The following DAB1 variants were observed in gnomAD, a reference collection of about 807,000 sequenced individuals.
The protein encoded by DAB1 is DAB adaptor protein 1.
DAB1 carries 15 observed loss-of-function variants against 64.6 expected under a neutral mutation model. The observed-to-expected ratio is 0.23, with a 90% confidence interval of 0.16 to 0.36. The LOEUF (loss-of-function observed/expected upper bound fraction) is 0.36. Among genes scored for constraint, DAB1 ranks in the 10% least tolerant of loss-of-function variants. DAB1 has a pLI of 1.00. For synonymous variants in DAB1, 235 were observed against 251.9 expected (o/e 0.93, Z 0.64); for missense variants, 596 against 706.7 (o/e 0.84, Z 1.78).
chr1:57,155,695 T>C (rs1411972326), intron 2 of DAB1, among the ~76,000 whole-genome samples: 1 of 151,934 alleles, frequency 6.6e-6, no homozygotes, highest in Non-Finnish European at 1.5e-5. Context: ...TTTCCATTTT[T>C]AGTGTCCTCT....
chr1:58,054,879 G>A (rs1647959381), intron 5 of DAB1, among the ~76,000 whole-genome samples: 1 of 152,194 alleles, frequency 6.6e-6, no homozygotes, highest in African/African-American at 2.4e-5. Context: ...GATTCTGTGT[G>A]AAAAGATGAC....
At chr1:58,096,732 AG>A (rs1651007599) in intron 5 of DAB1, among the ~76,000 whole-genome samples, 2 of 152,236 alleles carry the variant, frequency 1.3e-5, no homozygotes, top group African/African-American at 4.8e-5. Context: ...CAATGCCTTG[AG>A]GGCAAAGAGC....
chr1:57,896,128 C>T (rs573788994), intron 5 of DAB1, among the ~76,000 whole-genome samples: 170 of 152,232 alleles, frequency 1.1e-3, no homozygotes, highest in Non-Finnish European at 1.8e-3. Flanking sequence ...TGCCTTGATG[C>T]CCCTGTTTTA....
chr1:57,609,444 G>T (rs1645699509), intron 7 of DAB1, among the ~76,000 whole-genome samples: 1 of 152,160 alleles, frequency 6.6e-6, no homozygotes, highest in Non-Finnish European at 1.5e-5. Flanking sequence ...TTTATATAAG[G>T]ACTTTGAGCA....
intron 2 of DAB1, among the ~76,000 whole-genome samples, chr1:57,252,014 C>T (rs966089576): frequency 6.6e-6 from 1 of 152,198 alleles, no homozygotes; most frequent in Admixed American, 6.5e-5. Flanking sequence ...AGCTGTCGTG[C>T]TTTTCCTTTA....
At chr1:57,909,404 A>G (rs1391222859) in intron 5 of DAB1, among the ~76,000 whole-genome samples, 2 of 152,236 alleles carry the variant, frequency 1.3e-5, no homozygotes, top group East Asian at 1.9e-4. Flanking sequence ...AAAATAAGCT[A>G]TAATTTTATA....
chr1:57,970,359 T>C (rs1487537349), intron 5 of DAB1, among the ~76,000 whole-genome samples: 1 of 152,070 alleles, frequency 6.6e-6, no homozygotes, highest in Non-Finnish European at 1.5e-5. Flanking sequence ...ACCAACATTT[T>C]CCTCCTTCAA....
At chr1:57,971,675 G>A (rs1645799271) in intron 5 of DAB1, among the ~76,000 whole-genome samples, 1 of 152,192 alleles carries the variant, frequency 6.6e-6, no homozygotes, top group African/African-American at 2.4e-5. Flanking sequence ...GCTGAATTCT[G>A]TCAAAGGCAT....
At chr1:58,222,952 T>A (rs1458951563) in intron 4 of DAB1, among the ~76,000 whole-genome samples, 1 of 152,182 alleles carries the variant, frequency 6.6e-6, no homozygotes, top group Admixed American at 6.5e-5. Flanking sequence ...AGCTCAGGCA[T>A]CTGTTCCTTG....
intron 2 of DAB1, among the ~76,000 whole-genome samples, chr1:57,178,891 C>T (rs543954522): frequency 1.1e-4 from 16 of 152,122 alleles, no homozygotes; most frequent in Admixed American, 1.0e-3. Context: ...TTCCCACCCC[C>T]ATCGCCACCT....
intron 3 of DAB1, chr1:58,468,852 C>T (rs1356761529): frequency 5.3e-6 from 1 of 189,970 alleles, no homozygotes; most frequent in African/African-American, 2.4e-5. Flanking sequence ...GAAGGTGTGA[C>T]AGCTGGAGCA....
At chr1:57,182,894 A>C (rs1408486296) in intron 2 of DAB1, among the ~76,000 whole-genome samples, 2 of 152,148 alleles carry the variant, frequency 1.3e-5, no homozygotes, top group African/African-American at 4.8e-5. Context: ...ATGGCTATTT[A>C]ATTTTAAATT....
chr1:57,109,790 C>T (rs1655496040), intron 4 of DAB1, among the ~76,000 whole-genome samples: 1 of 152,130 alleles, frequency 6.6e-6, no homozygotes, highest in Admixed American at 6.5e-5. Context: ...GTAGGAGTTC[C>T]TAAATATTTG....
chr1:57,853,813 C>T (rs1486429902), intron 1 of DAB1, among the ~76,000 whole-genome samples: 1 of 152,056 alleles, frequency 6.6e-6, no homozygotes, highest in Non-Finnish European at 1.5e-5. Context: ...GAATGGTACC[C>T]AGACTGTGTT....
intron 3 of DAB1, among the ~76,000 whole-genome samples, chr1:58,436,757 C>T (rs1311146116): frequency 6.6e-6 from 1 of 152,216 alleles, no homozygotes; most frequent in Non-Finnish European, 1.5e-5. Flanking sequence ...ATATGGGACT[C>T]TAAAATTACT....
intron 4 of DAB1, among the ~76,000 whole-genome samples, chr1:57,112,284 CA>C (rs944544530): frequency 5.3e-5 from 8 of 152,184 alleles, no homozygotes; most frequent in African/African-American, 1.9e-4. Context: ...GTAAGTGCTG[CA>C]GTTACTCCCA....
At chr1:57,052,147 CG>C (rs1321519470) in intron 9 of DAB1, among the ~76,000 whole-genome samples, 9 of 24,200 alleles carry the variant, frequency 3.7e-4, no homozygotes, top group Non-Finnish European at 3.4e-4. Context: ...GGCGGGGGGG[CG>C]GGGGGAAGCT....
At chr1:58,433,445 A>C (rs1395336187) in intron 3 of DAB1, among the ~76,000 whole-genome samples, 1 of 152,012 alleles carries the variant, frequency 6.6e-6, no homozygotes, top group Non-Finnish European at 1.5e-5. Context: ...AATGAACAGG[A>C]ATTTATTTGG....
intron 5 of DAB1, among the ~76,000 whole-genome samples, chr1:58,147,974 A>T (rs2100727404): frequency 8.0e-6 from 1 of 125,308 alleles, no homozygotes; most frequent in South Asian, 3.1e-4. Context: ...AAGACATACT[A>T]TAGCTGGAGA....
Sources: gnomAD v4.1 joint callset for allele counts (sites outside exome capture counted in the v4.1 genomes callset) on GRCh38, gnomAD v4.1.1 for gene constraint, MANE v1.5 for transcripts, NCBI Gene and HGNC (gene_info 2026-07-23, HGNC 2026-07-21) for gene names.